WASF3: variants seen among roughly 807,000 people sequenced by gnomAD.
The protein encoded by WASF3 is WASP family member 3, also known as actin-binding protein WASF3.
In WASF3, 11 loss-of-function variants were observed where a neutral mutation model predicts 46.6. The observed-to-expected ratio is 0.24, with a 90% CI of 0.15 to 0.39. The LOEUF is 0.39. WASF3 is among the 10% of genes least tolerant of loss of function. The pLI is 1.00. For missense variants in WASF3, 576 were observed against 669.8 expected (o/e 0.86, Z 1.55); for synonymous variants, 242 against 259.7 (o/e 0.93, Z 0.65).
intron 1 of WASF3, among the ~76,000 whole-genome samples, chr13:26,597,413 G>A (rs546734729): frequency 1.2e-4 from 19 of 152,342 alleles, no homozygotes; most frequent in African/African-American, 4.6e-4. Flanking sequence ...GGGATTACAG[G>A]CGTGAGCCAC....
chr13:26,630,209 T>C (rs918351085), intron 2 of WASF3, among the ~76,000 whole-genome samples: 11 of 152,150 alleles, frequency 7.2e-5, no homozygotes, highest in Non-Finnish European at 1.2e-4. Context: ...GTGCACAACA[T>C]GCAGGTTTGT....
chr13:26,664,284 C>T (rs1475468293), intron 3 of WASF3, among the ~76,000 whole-genome samples: 4 of 152,154 alleles, frequency 2.6e-5, no homozygotes, highest in African/African-American at 9.7e-5. Flanking sequence ...GTGAGATGTG[C>T]CTTGCACACT....
At chr13:26,545,203 C>T in the WASF3 span, among the ~76,000 whole-genome samples, 1,310 of 152,298 alleles carry the variant, frequency 8.6e-3, 16 homozygotes, top group African/African-American at 0.029. Context: ...TTTTCTTTCA[C>T]TCCCTTCCAC....
At chr13:26,629,663 TG>T in intron 2 of WASF3, among the ~76,000 whole-genome samples, 1 of 151,466 alleles carries the variant, frequency 6.6e-6, no homozygotes, top group East Asian at 1.9e-4. Context: ...CTACAGCTCT[TG>T]GGGGTGACTT....
chr13:26,676,762 G>A (rs1322323884), intron 7 of WASF3, 38 bp downstream of exon 7: 1 of 1,573,168 alleles, frequency 6.4e-7, no homozygotes, highest in South Asian at 1.2e-5. Flanking sequence ...CCTGATGCTT[G>A]GGCAACTGGG....
rs1361931921 is a variant in WASF3, at chr13:26,687,135, A to C, written c.*1290A>C. The C allele has an allele frequency of 6.6e-6, 1 of 152,244 alleles. No homozygotes were observed. Among genetic ancestry groups the C allele is most frequent in the Non-Finnish European group, 1.5e-5 (1 of 68,066 alleles). 9.4% of individuals were successfully genotyped at this position (152,244 alleles called of 1,614,324 possible). On this transcript the variant is annotated 3_prime_UTR_variant, in exon 10 of 10. Transcript: ENST00000335327. ...GGACCCATGGGGAAACTCAAGAATG[A>C]CAGCTTCTATATTTTGTAATTCTGG...
chr13:26,670,145 G>A (rs1181914128), intron 5 of WASF3, among the ~76,000 whole-genome samples: 1 of 152,030 alleles, frequency 6.6e-6, no homozygotes, highest in East Asian at 1.9e-4. Context: ...AGAAAATGTG[G>A]CACATATACC....
chr13:26,546,094 C>T, the WASF3 span, among the ~76,000 whole-genome samples: 2 of 152,072 alleles, frequency 1.3e-5, no homozygotes, highest in African/African-American at 4.8e-5. Flanking sequence ...GTGACATAAT[C>T]TTAGGGGTCA....
chr13:26,678,773 C>T (rs942641414), intron 7 of WASF3, among the ~76,000 whole-genome samples: 3 of 152,310 alleles, frequency 2.0e-5, no homozygotes, highest in South Asian at 2.1e-4. Context: ...CTCAGGGAGT[C>T]GCACACCTCC....
chr13:26,667,454 T>C, intron 4 of WASF3, 63 bp from the exon 5 acceptor site: 1 of 1,441,948 alleles, frequency 6.9e-7, no homozygotes, highest in Non-Finnish European at 9.4e-7. Flanking sequence ...TCAAATGGTA[T>C]TTACTTCTAA....
At chr13:26,607,090 T>C (rs2137213307) in intron 1 of WASF3, among the ~76,000 whole-genome samples, 1 of 152,302 alleles carries the variant, frequency 6.6e-6, no homozygotes, top group South Asian at 2.1e-4. Flanking sequence ...GAAAATTTAG[T>C]ATATAGGGTT....
At chr13:26,558,200 G>T (rs985051672) in intron 1 of WASF3, among the ~76,000 whole-genome samples, 3 of 151,776 alleles carry the variant, frequency 2.0e-5, no homozygotes, top group African/African-American at 7.3e-5. Context: ...CGCGCCCCAC[G>T]CACGACGCCC....
chr13:26,613,981 T>C (rs2137227477), intron 2 of WASF3, among the ~76,000 whole-genome samples: 1 of 152,346 alleles, frequency 6.6e-6, no homozygotes, highest in South Asian at 2.1e-4. Flanking sequence ...AGCTTCACTT[T>C]CCTCATATGC....
At chr13:26,656,738 C>T (rs973705344) in intron 3 of WASF3, among the ~76,000 whole-genome samples, 5 of 151,874 alleles carry the variant, frequency 3.3e-5, no homozygotes, top group Admixed American at 6.6e-5. Flanking sequence ...ATGTTTTCTC[C>T]GATCTGTAAC....
intron 1 of WASF3, among the ~76,000 whole-genome samples, chr13:26,608,792 A>G (rs1214908253): frequency 6.6e-6 from 1 of 152,208 alleles, no homozygotes; most frequent in Middle Eastern, 3.2e-3. Context: ...TTTGCTAAAA[A>G]ATTCATATTC....
At chr13:26,658,379 T>C (rs1277228164) in intron 3 of WASF3, among the ~76,000 whole-genome samples, 1 of 152,222 alleles carries the variant, frequency 6.6e-6, no homozygotes, top group Non-Finnish European at 1.5e-5. Flanking sequence ...GGTGCTCATC[T>C]ACAAAACACC....
intron 2 of WASF3, among the ~76,000 whole-genome samples, chr13:26,636,225 C>T (rs1441956188): frequency 6.6e-6 from 1 of 152,098 alleles, no homozygotes; most frequent in Non-Finnish European, 1.5e-5. Context: ...ATGGCGGATG[C>T]CCCTCCCCCT....
At chr13:26,556,460 T>C (rs1309060959), upstream of WASF3, among the ~76,000 whole-genome samples, 3 of 152,256 alleles carry the variant, frequency 2.0e-5, no homozygotes, top group Admixed American at 1.3e-4. Context: ...ACTGGGTCAC[T>C]GTAATTATTC....
At chr13:26,653,558 C>T (rs893125176) in intron 3 of WASF3, among the ~76,000 whole-genome samples, 4 of 152,140 alleles carry the variant, frequency 2.6e-5, no homozygotes, top group Non-Finnish European at 4.4e-5. Flanking sequence ...TACTGGCATG[C>T]GACTCACAGA....
Sources: allele counts gnomAD v4.1 joint callset (sites outside exome capture counted in the v4.1 genomes callset), GRCh38; gene constraint gnomAD v4.1.1; transcripts MANE v1.5; gene names NCBI Gene and HGNC (gene_info 2026-07-23, HGNC 2026-07-21).